The following PHYHD1 variants were observed in gnomAD, a reference collection of about 807,000 sequenced individuals.
PHYHD1 encodes the protein phytanoyl-CoA dioxygenase domain containing 1.
In PHYHD1, 42 loss-of-function variants were observed where a neutral mutation model predicts 43.6. That is an observed-to-expected ratio of 0.96 (90% confidence interval 0.75 to 1.25). The LOEUF is 1.25. Ranked by LOEUF, PHYHD1 falls within the 50% of genes most tolerant of loss-of-function variation. The pLI, the probability that PHYHD1 is intolerant of heterozygous loss-of-function variation, is 0.00. For missense variants in PHYHD1, 342 were observed against 370.8 expected (o/e 0.92, Z 0.64); for synonymous variants, 139 against 143.6 (o/e 0.97, Z 0.23).
intron 3 of PHYHD1, among the ~76,000 whole-genome samples, chr9:128,926,292 A>G (rs1246304043): frequency 6.6e-6 from 1 of 152,070 alleles, no homozygotes; most frequent in Non-Finnish European, 1.5e-5. Flanking sequence ...ATGCAATGGC[A>G]TGATCTCGGC....
At chr9:128,935,296 C>T (rs1320134323) in intron 6 of PHYHD1, among the ~76,000 whole-genome samples, 2 of 152,110 alleles carry the variant, frequency 1.3e-5, no homozygotes, top group East Asian at 1.9e-4. Context: ...TCATGGTAAG[C>T]TTGTAGACAA....
chr9:128,936,987 C>T (rs991824209), intron 8 of PHYHD1, among the ~76,000 whole-genome samples: 16 of 152,048 alleles, frequency 1.1e-4, no homozygotes, highest in African/African-American at 3.6e-4. Flanking sequence ...TGATGGCACA[C>T]ACCTGTAGTC....
At position 128,927,057 on chromosome 9, in the gene PHYHD1, T is replaced by A. The variant is rs1283587142; in HGVS notation, c.53T>A (p.Leu18Gln). The A allele has an allele frequency of 1.9e-6, 3 of 1,614,058 alleles. No homozygotes were observed. In the African/African-American group the frequency reaches 4.0e-5, roughly 22 times the overall value. Residue 18 changes from leucine to glutamine, a missense_variant, in exon 4 of 13, where the codon CTG becomes CAG. Coordinates refer to ENST00000372592, the MANE Select transcript of PHYHD1 (RefSeq NM_001100876.2). Reference protein sequence around the residue: ...QLQKFQQDGFLVLEGFLSAEE... With the variant: ...QLQKFQQDGFQVLEGFLSAEE... ...CTGCAGTTCCAACAGGATGGATTCC[T>A]GGTGCTGGAAGGATTCTTGTCTGCG... is the stretch of plus-strand genomic sequence containing the variant.
At chr9:128,936,825 G>A (rs1407220172) in intron 8 of PHYHD1, among the ~76,000 whole-genome samples, 180 bp downstream of exon 8, 4 of 152,102 alleles carry the variant, frequency 2.6e-5, no homozygotes, top group Non-Finnish European at 5.9e-5. Context: ...TTAAAATTTG[G>A]TGGTAGGGGC....
chr9:128,923,400 T>A (rs777418704), intron 3 of PHYHD1, among the ~76,000 whole-genome samples: 25 of 152,194 alleles, frequency 1.6e-4, no homozygotes, highest in Non-Finnish European at 2.1e-4. Context: ...TAAAGGAGGC[T>A]GTACTGCTAT....
At chr9:128,932,459 C>T (rs910015001) in intron 4 of PHYHD1, among the ~76,000 whole-genome samples, 3 of 152,018 alleles carry the variant, frequency 2.0e-5, no homozygotes, top group Non-Finnish European at 2.9e-5. Flanking sequence ...CCTCCGCCTC[C>T]CAGGTTCAAG....
At chr9:128,931,884 G>C (rs1195760278) in intron 4 of PHYHD1, among the ~76,000 whole-genome samples, 2 of 151,034 alleles carry the variant, frequency 1.3e-5, no homozygotes, top group Non-Finnish European at 2.9e-5. Context: ...GCCCAGACTG[G>C]AGTGCAATGG....
In PHYHD1 at chr9:128,941,757, T is replaced by C; in HGVS notation, c.*44T>C. The C allele has an allele frequency of 6.2e-7, 1 of 1,613,756 alleles. No individual in the cohort carries two copies. The highest frequency in any genetic ancestry group is 1.6e-4 in the Middle Eastern group (1 of 6,062). On this transcript the variant is annotated 3_prime_UTR_variant, in exon 13 of 13. Transcript: ENST00000372592. ...AGCCCTCGCCCCTCCCGGGTGAAGCTGTGGGCTGTAAACACCAGTGCCTTG... is the reference window on the plus strand; with the variant it reads ...AGCCCTCGCCCCTCCCGGGTGAAGCCGTGGGCTGTAAACACCAGTGCCTTG...
chr9:128,931,415 G>A (rs1841272523), intron 4 of PHYHD1, among the ~76,000 whole-genome samples: 1 of 151,946 alleles, frequency 6.6e-6, no homozygotes, highest in Non-Finnish European at 1.5e-5. Flanking sequence ...CCATCCTAGA[G>A]CCAGGATTTA....
intron 3 of PHYHD1, among the ~76,000 whole-genome samples, chr9:128,926,400 C>A (rs1447547404): frequency 6.6e-6 from 1 of 151,590 alleles, no homozygotes; most frequent in Non-Finnish European, 1.5e-5. Context: ...CACAGGCATG[C>A]GCCACCACAC....
chr9:128,932,353 T>C (rs1841312569), intron 4 of PHYHD1, among the ~76,000 whole-genome samples: 1 of 150,920 alleles, frequency 6.6e-6, no homozygotes, highest in South Asian at 2.1e-4. Flanking sequence ...GGCTAATTTT[T>C]TGTACTTTTG....
chr9:128,922,930 C>A (rs902113789), intron 3 of PHYHD1, among the ~76,000 whole-genome samples: 12 of 148,618 alleles, frequency 8.1e-5, no homozygotes, highest in Admixed American at 2.1e-4. Flanking sequence ...GCCCCCATGC[C>A]CAGCTCTTTT....
rs1468342695 is a variant in PHYHD1 at position 128,922,279 on chromosome 9, C to T, written c.-41-4C>T. On this transcript the variant is annotated splice_region_variant and splice_polypyrimidine_tract_variant and intron_variant, in intron 2 of 12. Coordinates refer to ENST00000372592, the MANE Select transcript of PHYHD1 (RefSeq NM_001100876.2). ...AGGCTCCTAAACTTTCTCCTCCCCACCAGGAGGCCGCGCTTAGAAGCCGCC... is the reference window on the plus strand; with the variant it reads ...AGGCTCCTAAACTTTCTCCTCCCCATCAGGAGGCCGCGCTTAGAAGCCGCC... The T allele has an allele frequency of 2.6e-6, 4 of 1,549,258 alleles. No individual in the cohort carries two copies. Among genetic ancestry groups the T allele is most frequent in the Admixed American group, 2.0e-5 (1 of 50,402 alleles).
intron 8 of PHYHD1, among the ~76,000 whole-genome samples, chr9:128,936,880 T>C (rs10988158): frequency 0.39 from 59,308 of 151,816 alleles, 11,761 homozygotes; most frequent in Admixed American, 0.43. Flanking sequence ...TTTGGGAGGC[T>C]GAAGCGGGCA....
At chr9:128,923,210 C>T (rs568995953) in intron 3 of PHYHD1, among the ~76,000 whole-genome samples, 2 of 152,210 alleles carry the variant, frequency 1.3e-5, no homozygotes, top group Admixed American at 1.3e-4. Context: ...TCCCAAAGTG[C>T]TGGGATTACA....
chr9:128,938,077 C>T (rs1244572174), intron 9 of PHYHD1: 6 of 791,944 alleles, frequency 7.6e-6, no homozygotes, highest in African/African-American at 1.8e-5. Flanking sequence ...AAGGCAGAGG[C>T]GAGCGGATCA....
At chr9:128,941,356 C>T (rs1841554255) in intron 11 of PHYHD1, 89 bp from the exon 12 acceptor site, 1 of 1,543,098 alleles carries the variant, frequency 6.5e-7, no homozygotes, top group East Asian at 2.3e-5. Flanking sequence ...CACAAAACCA[C>T]TGGAAGGAGG....
intron 9 of PHYHD1, 145 bp from the exon 10 acceptor site, chr9:128,940,224 G>A (rs1172837893): frequency 7.6e-7 from 1 of 1,308,612 alleles, no homozygotes; most frequent in Non-Finnish European, 1.0e-6. Context: ...TTAGAGTCCT[G>A]GGCCAGGAAG....
chr9:128,941,662 C>T lies in PHYHD1; in HGVS notation c.831-6C>T. 1 of 1,614,226 alleles carries T rather than the reference C, an allele frequency of 6.2e-7. No individual in the cohort carries two copies. Among genetic ancestry groups the T allele is most frequent in the Non-Finnish European group, 8.5e-7 (1 of 1,180,022 alleles). On this transcript the variant is annotated splice_region_variant and splice_polypyrimidine_tract_variant and intron_variant, in intron 12 of 12. Transcript: ENST00000372592. ...CTCAAGGTTGTTTCTCCTCTATCCT[C>T]TGCAGGCTCCAGCCAACAGCTGAAC...
Sources: allele counts gnomAD v4.1 joint callset (sites outside exome capture counted in the v4.1 genomes callset), GRCh38; gene constraint gnomAD v4.1.1; transcripts MANE v1.5; gene names NCBI Gene and HGNC (gene_info 2026-07-23, HGNC 2026-07-21).